Variants in CA10 observed in about 807,000 individuals in gnomAD.
CA10 encodes the protein carbonic anhydrase-related protein 10.
A neutral mutation model predicts 44.2 loss-of-function variants in CA10; 14 were observed. The observed-to-expected ratio is 0.32, with a 90% CI of 0.21 to 0.50. The LOEUF (loss-of-function observed/expected upper bound fraction) is 0.50, where lower values mean the gene tolerates loss of function less well. CA10 is among the 20% of genes least tolerant of loss of function. The pLI is 0.99. For synonymous variants in CA10, 159 were observed against 141.6 expected (o/e 1.12, Z -0.87); for missense variants, 350 against 409.7 (o/e 0.85, Z 1.26).
chr17:52,035,557 A>T (rs560135826), intron 2 of CA10, among the ~76,000 whole-genome samples: 26 of 152,282 alleles, frequency 1.7e-4, no homozygotes, highest in Admixed American at 3.9e-4. Context: ...TCACACAAAA[A>T]AACAAAAGAC....
chr17:52,117,077 C>T (rs1000467533), intron 1 of CA10, among the ~76,000 whole-genome samples: 2 of 152,058 alleles, frequency 1.3e-5, no homozygotes, highest in African/African-American at 4.8e-5. Flanking sequence ...AAGTGTATAT[C>T]CAAGTTATAG....
intron 5 of CA10, 152 bp downstream of exon 5, chr17:51,653,489 T>C (rs1387748735): frequency 6.7e-6 from 4 of 592,626 alleles, no homozygotes; most frequent in Middle Eastern, 4.5e-4. Flanking sequence ...TCATTTTTCA[T>C]AAATCTCATG....
intron 3 of CA10, among the ~76,000 whole-genome samples, chr17:51,915,818 C>A (rs1240446927): frequency 6.6e-6 from 1 of 152,012 alleles, no homozygotes; most frequent in African/African-American, 2.4e-5. Context: ...CAGTATCTGT[C>A]CTTTTTGTAA....
In CA10 at chr17:51,931,046, G is replaced by A. The variant is rs138454442; in HGVS notation, c.223C>T (p.His75Tyr). The change falls in exon 3 of 9, where the codon CAC becomes TAC. Residue 75 changes from histidine (H) to tyrosine (Y), a missense_variant. Physicochemically the swap from His to Tyr is moderately conservative, Grantham distance 83. Transcript: ENST00000451037. Reference protein sequence around the residue: ...RQSPVNIETSHMIFDPFLTPL... With the variant: ...RQSPVNIETSYMIFDPFLTPL... ...GTCAGAAAGGGGTCGAAGATCATGTGACTGGTCTCTATGTTGACTGGCGAC... is the reference window on the plus strand; with the variant it reads ...GTCAGAAAGGGGTCGAAGATCATGTAACTGGTCTCTATGTTGACTGGCGAC... 2.7e-5 allele frequency: 43 copies of A among 1,613,642 alleles called. No homozygotes were observed. In the African/African-American group the frequency reaches 4.9e-4, roughly 19 times the overall value.
chr17:51,935,696 C>T (rs1982837661), intron 2 of CA10, among the ~76,000 whole-genome samples: 2 of 152,150 alleles, frequency 1.3e-5, no homozygotes, highest in Admixed American at 1.3e-4. Context: ...GAAAGATGCT[C>T]AGTGACTCTG....
At chr17:52,054,064 A>G (rs929360202) in intron 2 of CA10, among the ~76,000 whole-genome samples, 2 of 152,180 alleles carry the variant, frequency 1.3e-5, no homozygotes, top group South Asian at 2.1e-4. Flanking sequence ...AGAACAGGAT[A>G]ACAGCAATGT....
intron 2 of CA10, among the ~76,000 whole-genome samples, chr17:52,029,593 A>G (rs1986404205): frequency 1.3e-5 from 2 of 149,894 alleles, no homozygotes; most frequent in Non-Finnish European, 3.0e-5. Flanking sequence ...TCTCATCTGT[A>G]AAACACCAAA....
intron 3 of CA10, among the ~76,000 whole-genome samples, chr17:51,914,468 G>A (rs1981913803): frequency 6.6e-6 from 1 of 152,092 alleles, no homozygotes; most frequent in African/African-American, 2.4e-5. Context: ...TATGTGATTT[G>A]CCACCTTGCC....
chr17:51,818,437 G>A (rs765558542), intron 3 of CA10, among the ~76,000 whole-genome samples: 5 of 152,056 alleles, frequency 3.3e-5, no homozygotes, highest in African/African-American at 4.8e-5. Context: ...CCCTTCCAAC[G>A]CTGGCATTAC....
chr17:51,670,616 G>A lies in CA10; in HGVS notation c.466-16880C>T, dbSNP rs548169117. Among the ~76,000 whole-genome samples, 3 of 152,094 alleles carry A rather than the reference G, an allele frequency of 2.0e-5. No homozygotes were observed. The East Asian group carries it at 5.8e-4, about 29-fold the overall frequency. ...TGAGCTCCATTCCAGCTCTTTCTCT[G>A]GATTTATCTGTAGCATCCATACTTC... On this transcript the variant is annotated intron_variant, in intron 4 of 8. Coordinates refer to ENST00000451037, the MANE Select transcript of CA10 (RefSeq NM_020178.5).
At chr17:51,955,815 C>A (rs779245862) in intron 2 of CA10, among the ~76,000 whole-genome samples, 15 of 148,330 alleles carry the variant, frequency 1.0e-4, no homozygotes, top group Non-Finnish European at 1.6e-4. Context: ...CCTCACACAC[C>A]GGGGCCTATC....
intron 3 of CA10, among the ~76,000 whole-genome samples, chr17:51,784,724 C>A (rs7219531): frequency 4.6e-5 from 7 of 152,208 alleles, no homozygotes; most frequent in African/African-American, 1.7e-4. Context: ...ATAACAATCA[C>A]ATCATGGAGA....
chr17:52,001,352 C>T (rs942159573), intron 2 of CA10, among the ~76,000 whole-genome samples: 1 of 151,930 alleles, frequency 6.6e-6, no homozygotes, highest in African/African-American at 2.4e-5. Context: ...TGATGCAGAA[C>T]TAAAAGAGAC....
chr17:51,698,497 C>T (rs1915476948), intron 4 of CA10, among the ~76,000 whole-genome samples: 1 of 152,174 alleles, frequency 6.6e-6, no homozygotes, highest in Non-Finnish European at 1.5e-5. Flanking sequence ...TATTTGTAGA[C>T]ATTGTGAAAT....
chr17:52,014,502 GAA>G (rs1176151585), intron 2 of CA10, among the ~76,000 whole-genome samples: 1 of 151,756 alleles, frequency 6.6e-6, no homozygotes, highest in Non-Finnish European at 1.5e-5. Context: ...AATGTGAAAA[GAA>G]AAGTTATAAA....
chr17:51,916,663 C>T (rs1198601552), intron 3 of CA10, among the ~76,000 whole-genome samples: 1 of 152,114 alleles, frequency 6.6e-6, no homozygotes, highest in Non-Finnish European at 1.5e-5. Context: ...TTATAAATTA[C>T]CCAGCCTTGG....
intron 2 of CA10, among the ~76,000 whole-genome samples, chr17:51,961,188 A>ACAC (rs1983875510): frequency 2.8e-5 from 4 of 145,100 alleles, no homozygotes; most frequent in Non-Finnish European, 3.0e-5. Context: ...TGTACACACA[A>ACAC]ACACACACAC....
At chr17:51,967,522 TATC>T (rs1161903100) in intron 2 of CA10, among the ~76,000 whole-genome samples, 3 of 151,744 alleles carry the variant, frequency 2.0e-5, no homozygotes, top group Non-Finnish European at 4.4e-5. Context: ...AAATGACTGA[TATC>T]ATGTCCTCTG....
intron 4 of CA10, among the ~76,000 whole-genome samples, chr17:51,737,349 A>T (rs1426369881): frequency 6.6e-6 from 1 of 152,156 alleles, no homozygotes; most frequent in Non-Finnish European, 1.5e-5. Flanking sequence ...CTGATGGTAG[A>T]AGTCATTTTA....
Sources: gnomAD v4.1 joint callset for allele counts (sites outside exome capture counted in the v4.1 genomes callset) on GRCh38, gnomAD v4.1.1 for gene constraint, MANE v1.5 for transcripts, NCBI Gene and HGNC (gene_info 2026-07-23, HGNC 2026-07-21) for gene names.